Variants in PRORP observed in about 807,000 individuals in gnomAD.
The protein encoded by PRORP is protein only RNase P catalytic subunit.
Under a neutral mutation model 59.4 loss-of-function variants are expected in PRORP, and 51 were observed. That is an observed-to-expected ratio of 0.86 (90% CI 0.69 to 1.08). The LOEUF (loss-of-function observed/expected upper bound fraction) is 1.08, where lower values mean the gene tolerates loss of function less well. Ranked by LOEUF, PRORP falls within the 50% of genes least tolerant of loss-of-function variation. The pLI, the probability that PRORP is intolerant of heterozygous loss-of-function variation, is 0.00. For synonymous variants in PRORP, 231 were observed against 245.6 expected, an observed-to-expected ratio of 0.94 and a Z score of 0.55; for missense variants, 646 against 690.3, an observed-to-expected ratio of 0.94 and a Z score of 0.72.
intron 5 of PRORP, 62 bp from the exon 6 acceptor site, chr14:35,266,665 T>C (rs925260371): frequency 1.2e-5 from 19 of 1,574,494 alleles, no homozygotes; most frequent in African/African-American, 9.5e-5. Context: ...GCTGGAAAAA[T>C]CACTCCACTA....
chr14:35,222,917 G>T (rs1228581996), intron 5 of PRORP, among the ~76,000 whole-genome samples: 2 of 152,010 alleles, frequency 1.3e-5, no homozygotes, highest in African/African-American at 4.8e-5. Flanking sequence ...TTATAATTTT[G>T]TTTTTGAAGC....
At chr14:35,254,497 A>T (rs996499262) in intron 5 of PRORP, among the ~76,000 whole-genome samples, 6 of 152,148 alleles carry the variant, frequency 3.9e-5, no homozygotes, top group Non-Finnish European at 8.8e-5. Flanking sequence ...AGTTCAAGCG[A>T]TTCTCCTGCC....
chr14:35,232,429 T>G (rs1193687812), intron 5 of PRORP, among the ~76,000 whole-genome samples: 1 of 151,948 alleles, frequency 6.6e-6, no homozygotes, highest in Non-Finnish European at 1.5e-5. Flanking sequence ...CCAGGTTAGT[T>G]TCTAACTCCT....
At chr14:35,238,234 A>G (rs534997120) in intron 5 of PRORP, among the ~76,000 whole-genome samples, 18 of 152,274 alleles carry the variant, frequency 1.2e-4, no homozygotes, top group Admixed American at 2.6e-4. Context: ...TGAAATGCCA[A>G]TCTGACACCA....
chr14:35,231,541 C>G lies in PRORP; in HGVS notation c.1276-35186C>G, dbSNP rs190291276. 3.2e-3 allele frequency among the ~76,000 whole-genome samples: 493 copies of G among 152,226 alleles called. 8 individuals carry two copies. The South Asian group carries it at 0.042, about 13-fold the overall frequency. ...TATGCCAGATAATCCTGGCAGAAAA[C>G]AGATTGTGAACAGAAAACATATGGT... On this transcript the variant is annotated intron_variant, in intron 5 of 7. Transcript: ENST00000534898.
At chr14:35,158,355 T>G in intron 4 of PRORP, 1 of 300,270 alleles carries the variant, frequency 3.3e-6, no homozygotes, top group Non-Finnish European at 6.7e-6. Context: ...TGTTCACCAT[T>G]TTCAACTTTA....
chr14:35,235,444 C>G, intron 5 of PRORP: 1 of 661,630 alleles, frequency 1.5e-6, no homozygotes, highest in South Asian at 1.5e-5. Flanking sequence ...AAGGGACCCC[C>G]ATTTTATGAC....
intron 5 of PRORP, among the ~76,000 whole-genome samples, chr14:35,205,208 G>A (rs542220659): frequency 6.6e-6 from 1 of 152,226 alleles, no homozygotes; most frequent in African/African-American, 2.4e-5. Flanking sequence ...TTGAGATGGA[G>A]TCTCGCTCTG....
At chr14:35,147,571 C>G (rs1049486119) in intron 4 of PRORP, among the ~76,000 whole-genome samples, 9 of 152,096 alleles carry the variant, frequency 5.9e-5, no homozygotes, top group African/African-American at 2.2e-4. Context: ...TCTTGAACTC[C>G]TGGGCTCAAA....
chr14:35,221,204 A>T (rs2049770930), intron 5 of PRORP, among the ~76,000 whole-genome samples: 1 of 152,126 alleles, frequency 6.6e-6, no homozygotes, highest in East Asian at 1.9e-4. Flanking sequence ...GAGGAGAGTG[A>T]GCCACTTGAC....
intron 4 of PRORP, among the ~76,000 whole-genome samples, chr14:35,163,791 AT>A (rs1419507841): frequency 3.3e-5 from 5 of 152,036 alleles, no homozygotes; most frequent in African/African-American, 9.7e-5. Context: ...CCACTTGTCA[AT>A]TTTTGTTTTT....
intron 4 of PRORP, among the ~76,000 whole-genome samples, chr14:35,149,718 A>C (rs529877245): frequency 6.6e-6 from 1 of 152,246 alleles, no homozygotes; most frequent in African/African-American, 2.4e-5. Context: ...CATATCAGCA[A>C]TAAGGCTATT....
intron 5 of PRORP, among the ~76,000 whole-genome samples, chr14:35,234,649 CTT>C (rs2050161753): frequency 6.7e-6 from 1 of 148,370 alleles, no homozygotes; most frequent in South Asian, 2.1e-4. Context: ...CTCTCAAATC[CTT>C]TCTTTCCTCT....
intron 4 of PRORP, among the ~76,000 whole-genome samples, chr14:35,173,823 T>C (rs1306685592): frequency 3.3e-5 from 5 of 152,118 alleles, no homozygotes; most frequent in Non-Finnish European, 7.4e-5. Context: ...TGAGACTCAA[T>C]TGATGCTTCT....
At chr14:35,244,989 T>C (rs1231605468) in intron 5 of PRORP, among the ~76,000 whole-genome samples, 1 of 152,244 alleles carries the variant, frequency 6.6e-6, no homozygotes, top group Admixed American at 6.5e-5. Context: ...GCAAGGTCTT[T>C]GGTTTATGAT....
Position 35,216,968 on chromosome 14 carries a change from A to G in PRORP, c.1275+36191A>G, listed in dbSNP as rs549773614. On this transcript the variant is annotated intron_variant, in intron 5 of 7. Coordinates refer to ENST00000534898, the MANE Select transcript of PRORP (RefSeq NM_014672.4). ...AGTCTATGGAGAAATGTCCATTCAGATCCTTTGCCTATTTTAAAATTGGAT... is the reference window on the plus strand; with the variant it reads ...AGTCTATGGAGAAATGTCCATTCAGGTCCTTTGCCTATTTTAAAATTGGAT... Among the ~76,000 whole-genome samples the G allele has an allele frequency of 2.0e-5, 3 of 152,206 alleles. No individual in the cohort carries two copies. In the South Asian group the frequency reaches 6.2e-4, roughly 32 times the overall value.
chr14:35,182,383 G>A (rs1444610578), intron 5 of PRORP, among the ~76,000 whole-genome samples: 2 of 151,418 alleles, frequency 1.3e-5, no homozygotes, highest in African/African-American at 4.9e-5. Flanking sequence ...GGTGGCTCAC[G>A]CCTGTAATCC....
chr14:35,206,151 G>A (rs1007124627), intron 5 of PRORP, among the ~76,000 whole-genome samples: 1 of 152,204 alleles, frequency 6.6e-6, no homozygotes, highest in African/African-American at 2.4e-5. Context: ...CTTTTAGTCT[G>A]TGTTTTTGCA....
At position 35,153,261 on chromosome 14, in the gene PRORP, G is replaced by A. The variant is rs529216873; in HGVS notation, c.1167+25650G>A. 8.5e-5 allele frequency among the ~76,000 whole-genome samples: 13 copies of A among 152,318 alleles called. No individual in the cohort carries two copies. In the East Asian group the frequency reaches 1.5e-3, roughly 18 times the overall value. On this transcript the variant is annotated intron_variant, in intron 4 of 7. Coordinates refer to ENST00000534898, the MANE Select transcript of PRORP (RefSeq NM_014672.4). Reference sequence around the variant, plus strand: ...AAAAACCAGTCAGGCGTGGCGGTGCGCGCCTGCAATTGTAGGCACTTGGGA... The same window carrying A: ...AAAAACCAGTCAGGCGTGGCGGTGCACGCCTGCAATTGTAGGCACTTGGGA...
Sources: allele counts gnomAD v4.1 joint callset (sites outside exome capture counted in the v4.1 genomes callset), GRCh38; gene constraint gnomAD v4.1.1; transcripts MANE v1.5; gene names NCBI Gene and HGNC (gene_info 2026-07-23, HGNC 2026-07-21).